EXOC6B: variants seen among roughly 807,000 people sequenced by gnomAD.
EXOC6B encodes exocyst complex component 6B.
EXOC6B carries 54 observed loss-of-function variants against 113.5 expected under a neutral mutation model. The observed-to-expected ratio is 0.48, with a 90% CI of 0.38 to 0.60. EXOC6B has a LOEUF of 0.60. Among genes scored for constraint, EXOC6B ranks in the 20% least tolerant of loss-of-function variants. The probability of loss-of-function intolerance (pLI) is 0.00; values close to 1 mark genes in which losing one functional copy is unlikely to be tolerated. For synonymous variants in EXOC6B, 357 were observed against 339.0 expected (o/e 1.05, Z -0.58); for missense variants, 797 against 977.5 (o/e 0.82, Z 2.46).
At chr2:72,252,539 A>T (rs1483018169) in intron 20 of EXOC6B, among the ~76,000 whole-genome samples, 1 of 152,200 alleles carries the variant, frequency 6.6e-6, no homozygotes, top group Non-Finnish European at 1.5e-5. Flanking sequence ...CATCTGGAAG[A>T]TTTGGGTTCA....
At chr2:72,663,376 T>G (rs537480090) in intron 6 of EXOC6B, among the ~76,000 whole-genome samples, 4 of 152,270 alleles carry the variant, frequency 2.6e-5, no homozygotes, top group Non-Finnish European at 4.4e-5. Flanking sequence ...GAAAAACATG[T>G]GACTATAAAG....
intron 20 of EXOC6B, among the ~76,000 whole-genome samples, chr2:72,276,649 T>TCATTTCC (rs1313346933): frequency 5.3e-5 from 8 of 152,174 alleles, no homozygotes; most frequent in Non-Finnish European, 7.3e-5. Context: ...AATGGAAATC[T>TCATTTCC]CATTTCCCAT....
chr2:72,823,355 A>T (rs1372112509), intron 1 of EXOC6B, among the ~76,000 whole-genome samples: 1 of 151,254 alleles, frequency 6.6e-6, no homozygotes, highest in African/African-American at 2.4e-5. Context: ...CAACAATGAA[A>T]CAAGTTTTAG....
chr2:72,632,437 A>C (rs1477303070), intron 6 of EXOC6B, among the ~76,000 whole-genome samples: 2 of 152,180 alleles, frequency 1.3e-5, no homozygotes, highest in Non-Finnish European at 2.9e-5. Context: ...CAATAACTCC[A>C]TCTCTCAGAA....
At position 72,266,646 on chromosome 2, in the gene EXOC6B, T is replaced by C. The variant is rs897347348; in HGVS notation, c.2196+68301A>G. Among the ~76,000 whole-genome samples the C allele has an allele frequency of 3.3e-5, 5 of 152,258 alleles. 1 individual carries two copies. Among genetic ancestry groups the C allele is most frequent in the African/African-American group, 1.2e-4 (5 of 41,548 alleles). ...TTTTGGTACCAGTACCATGCTGTTTTGGTTACTGTAGCCTTGTAGTATGGT... is the reference window on the plus strand; with the variant it reads ...TTTTGGTACCAGTACCATGCTGTTTCGGTTACTGTAGCCTTGTAGTATGGT... On this transcript the variant is annotated intron_variant, in intron 20 of 21. Transcript: ENST00000272427.
chr2:72,799,840 G>T (rs1264692790), intron 1 of EXOC6B, among the ~76,000 whole-genome samples: 2 of 152,018 alleles, frequency 1.3e-5, no homozygotes, highest in Non-Finnish European at 2.9e-5. Context: ...CAAGGCAGAC[G>T]AATTGCTTGA....
At chr2:72,691,737 T>C (rs1677497771) in intron 6 of EXOC6B, among the ~76,000 whole-genome samples, 1 of 151,098 alleles carries the variant, frequency 6.6e-6, no homozygotes, top group Non-Finnish European at 1.5e-5. Context: ...GCTGGAGTAC[T>C]GTGGTGCAAT....
At chr2:72,715,539 G>C (rs1679559029) in intron 6 of EXOC6B, among the ~76,000 whole-genome samples, 1 of 151,410 alleles carries the variant, frequency 6.6e-6, no homozygotes. Context: ...GAGCTCAAGA[G>C]AACAATGAGC....
chr2:72,230,435 A>G (rs1488907818), intron 20 of EXOC6B, among the ~76,000 whole-genome samples: 1 of 152,180 alleles, frequency 6.6e-6, no homozygotes, highest in African/African-American at 2.4e-5. Context: ...TCTTTTTGCA[A>G]TGCAATTCCT....
intron 6 of EXOC6B, among the ~76,000 whole-genome samples, chr2:72,683,768 C>T (rs1233825998): frequency 6.6e-6 from 1 of 152,124 alleles, no homozygotes; most frequent in African/African-American, 2.4e-5. Context: ...CTTCTTTTCC[C>T]CAGTTCTCTG....
At position 72,731,214 on chromosome 2, in the gene EXOC6B, C is replaced by T. The variant is rs1340594243; in HGVS notation, c.359G>A (p.Cys120Tyr). 9 of 1,613,344 alleles carry T rather than the reference C, an allele frequency of 5.6e-6. No homozygotes were observed. In the South Asian group the frequency reaches 8.8e-5, roughly 16 times the overall value. ...AGAAATATTTCTCTGTTGTAGTCGACACTGCTTCAGCTCTTCCATTGCTAT... is the reference window on the plus strand; with the variant it reads ...AGAAATATTTCTCTGTTGTAGTCGATACTGCTTCAGCTCTTCCATTGCTAT... Reference protein sequence around the residue: ...LVIAMEELKQCRLQQRNISAT... With the variant: ...LVIAMEELKQYRLQQRNISAT... The change falls in exon 4 of 22, where the codon TGT (cysteine) becomes TAT (tyrosine). Residue 120 changes from cysteine to tyrosine, a missense_variant. Cys to Tyr is a radical substitution (Grantham distance 194). Coordinates refer to ENST00000272427, the MANE Select transcript of EXOC6B (RefSeq NM_015189.3).
chr2:72,581,861 C>T (rs1232810434), intron 6 of EXOC6B, among the ~76,000 whole-genome samples: 1 of 152,186 alleles, frequency 6.6e-6, no homozygotes, highest in South Asian at 2.1e-4. Flanking sequence ...CCCATCTTAC[C>T]CATCACTCCC....
At chr2:72,337,007 C>CAAA (rs56915816) in intron 19 of EXOC6B, among the ~76,000 whole-genome samples, 1 of 90,318 alleles carries the variant, frequency 1.1e-5, no homozygotes, top group African/African-American at 3.2e-5. Flanking sequence ...AACTCAGTCT[C>CAAA]AAAAAAAAAA....
intron 20 of EXOC6B, among the ~76,000 whole-genome samples, chr2:72,242,116 C>T (rs1424273864): frequency 6.6e-6 from 1 of 152,154 alleles, no homozygotes; most frequent in Non-Finnish European, 1.5e-5. Flanking sequence ...CACTTGAGCC[C>T]AGGAGGTCGA....
intron 20 of EXOC6B, among the ~76,000 whole-genome samples, chr2:72,216,068 T>C (rs1000672981): frequency 6.6e-6 from 1 of 151,590 alleles, no homozygotes. Context: ...GGTCCCTTAC[T>C]GCTTAGGTAG....
chr2:72,222,002 A>C (rs969843369), intron 20 of EXOC6B, among the ~76,000 whole-genome samples: 1 of 152,204 alleles, frequency 6.6e-6, no homozygotes, highest in African/African-American at 2.4e-5. Context: ...AGGGAGATGA[A>C]GGAAAAGGTG....
chr2:72,492,209 C>A (rs558332214), intron 16 of EXOC6B, 109 bp downstream of exon 16: 55 of 504,016 alleles, frequency 1.1e-4, no homozygotes, highest in African/African-American at 9.9e-4. Flanking sequence ...CATTAGAAGC[C>A]TATCAGGAAG....
intron 6 of EXOC6B, among the ~76,000 whole-genome samples, chr2:72,688,726 T>C (rs541653734): frequency 8.5e-5 from 13 of 152,182 alleles, no homozygotes; most frequent in Non-Finnish European, 1.5e-4. Context: ...ACGTCCACCA[T>C]GATAACTGAG....
intron 6 of EXOC6B, among the ~76,000 whole-genome samples, chr2:72,577,588 T>C (rs1244751056): frequency 6.6e-6 from 1 of 151,964 alleles, no homozygotes; most frequent in African/African-American, 2.4e-5. Flanking sequence ...AATGAACAAA[T>C]GAAAGTTATC....
Sources: gnomAD v4.1 joint callset for allele counts (sites outside exome capture counted in the v4.1 genomes callset) on GRCh38, gnomAD v4.1.1 for gene constraint, MANE v1.5 for transcripts, NCBI Gene and HGNC (gene_info 2026-07-23, HGNC 2026-07-21) for gene names.